DLD: variants seen among roughly 807,000 people sequenced by gnomAD.
DLD encodes the protein dihydrolipoamide dehydrogenase, also known as dihydrolipoyl dehydrogenase, mitochondrial.
Under a neutral mutation model 62.2 loss-of-function variants are expected in DLD, and 36 were observed. The ratio of observed to expected loss-of-function variants is 0.58; its 90% confidence interval spans 0.44 to 0.76. DLD has a LOEUF of 0.76. Among genes scored for constraint, DLD ranks in the 30% least tolerant of loss-of-function variants. The pLI is 0.00. For synonymous variants in DLD, 204 were observed against 199.6 expected, an observed-to-expected ratio of 1.02 and a Z score of -0.19; for missense variants, 541 against 608.6, an observed-to-expected ratio of 0.89 and a Z score of 1.17.
chr7:107,898,471 G>A (rs1420331688), intron 2 of DLD, among the ~76,000 whole-genome samples: 2 of 150,688 alleles, frequency 1.3e-5, no homozygotes, highest in Non-Finnish European at 3.0e-5. Flanking sequence ...AGTAGAGACA[G>A]GGTTTCACCA....
chr7:107,892,419 A>G (rs1006498625), intron 1 of DLD, among the ~76,000 whole-genome samples: 1 of 152,240 alleles, frequency 6.6e-6, no homozygotes, highest in Admixed American at 6.5e-5. Flanking sequence ...AGATTGTTCT[A>G]AGTAAATACG....
intron 2 of DLD, chr7:107,893,500 G>A: frequency 4.7e-6 from 2 of 421,294 alleles, no homozygotes; most frequent in Non-Finnish European, 8.5e-6. Flanking sequence ...GGTGATAAAA[G>A]ACAAACAATA....
intron 2 of DLD, among the ~76,000 whole-genome samples, chr7:107,898,673 C>T (rs957325068): frequency 6.7e-6 from 1 of 149,286 alleles, no homozygotes; most frequent in South Asian, 2.1e-4. Flanking sequence ...TCACTGCAAG[C>T]TCTGCCTCCT....
chr7:107,918,852 C>A (rs376041817), intron 12 of DLD, among the ~76,000 whole-genome samples, 158 bp from the exon 13 acceptor site: 54 of 152,182 alleles, frequency 3.5e-4, no homozygotes, highest in African/African-American at 1.1e-3. Context: ...TCTTCTGTGT[C>A]ACCTTTTCTA....
intron 6 of DLD, 59 bp from the exon 7 acceptor site, chr7:107,905,302 A>T: frequency 6.6e-7 from 1 of 1,522,550 alleles, no homozygotes; most frequent in Non-Finnish European, 9.1e-7. Flanking sequence ...TTTCCTTTGA[A>T]TGATTTATCA....
intron 2 of DLD, among the ~76,000 whole-genome samples, chr7:107,896,807 T>C (rs1214119098): frequency 1.3e-5 from 2 of 152,116 alleles, no homozygotes; most frequent in East Asian, 3.8e-4. Context: ...TCCTGTTCGT[T>C]TTTTCTTTTT....
chr7:107,908,153 C>CT (rs71134291), intron 8 of DLD, among the ~76,000 whole-genome samples: 42,701 of 137,248 alleles, frequency 0.31, 7,864 homozygotes, highest in Non-Finnish European at 0.41. Flanking sequence ...TTTTGTTTTT[C>CT]TTTTTTTTTT....
At chr7:107,902,478 A>C in intron 4 of DLD, 85 bp downstream of exon 4, 1 of 1,158,240 alleles carries the variant, frequency 8.6e-7, no homozygotes, top group East Asian at 2.4e-5. Context: ...TTAGACAAAT[A>C]CACTTGTTAA....
In DLD at chr7:107,893,180, G is replaced by A. The variant is rs2031631950; in HGVS notation, c.40-20G>A. On this transcript the variant is annotated intron_variant, in intron 1 of 13. Transcript: ENST00000205402. ...TTTTGAATTCATATCTTACATAATA[G>A]GGACATTTTCTTTTTCTAGAGAGGC... The A allele has an allele frequency of 2.5e-6, 4 of 1,602,812 alleles. No homozygotes were observed. Among genetic ancestry groups the A allele is most frequent in the African/African-American group, 2.7e-5 (2 of 74,788 alleles).
intron 8 of DLD, among the ~76,000 whole-genome samples, chr7:107,907,566 C>G (rs1314163514): frequency 2.0e-5 from 3 of 152,178 alleles, no homozygotes; most frequent in African/African-American, 7.2e-5. Context: ...GATTACCTCT[C>G]CTATTACTGT....
intron 13 of DLD, 24 bp from the exon 14 acceptor site, chr7:107,919,170 A>C (rs909618565): frequency 6.2e-7 from 1 of 1,612,866 alleles, no homozygotes; most frequent in Admixed American, 1.7e-5. Flanking sequence ...TTTGGATTTT[A>C]ATTTTAAATT....
In DLD at chr7:107,891,297, C is replaced by G. The variant is rs746892284; in HGVS notation, c.39+8C>G. 1 of 1,614,050 alleles carries G rather than the reference C, an allele frequency of 6.2e-7. No individual in the cohort carries two copies. Among genetic ancestry groups the G allele is most frequent in the Non-Finnish European group, 8.5e-7 (1 of 1,179,912 alleles). On this transcript the variant is annotated splice_region_variant and intron_variant, in intron 1 of 13. Transcript: ENST00000205402. ...TACTGCTCCTTGGCCAAGGTGAGGG[C>G]CGAGTAGGTGAGGTCGTGTTGAGCC...
chr7:107,904,772 G>C, intron 5 of DLD, 186 bp from the exon 6 acceptor site: 1 of 662,590 alleles, frequency 1.5e-6, no homozygotes, highest in East Asian at 2.9e-5. Flanking sequence ...TGTTTGATAG[G>C]TTCTGTTTCT....
At chr7:107,917,542 C>A in intron 11 of DLD, 80 bp downstream of exon 11, 1 of 1,313,760 alleles carries the variant, frequency 7.6e-7, no homozygotes, top group Non-Finnish European at 1.1e-6. Flanking sequence ...AGCATTTTAT[C>A]ATTATGCTAA....
intron 8 of DLD, among the ~76,000 whole-genome samples, chr7:107,911,005 G>T (rs546463707): frequency 6.6e-6 from 1 of 152,116 alleles, no homozygotes; most frequent in Non-Finnish European, 1.5e-5. Flanking sequence ...TTGAGATATA[G>T]TTCACATATC....
chr7:107,920,712 C>G lies in DLD; in HGVS notation c.*1453C>G, dbSNP rs1208396007. ...TTGTGGTTGCCCCATATTCTGCCTT[C>G]TGATCCTTAACCAATAAAACTTGGC... On this transcript the variant is annotated 3_prime_UTR_variant, in exon 14 of 14. Transcript: ENST00000205402. 6.6e-6 allele frequency: 1 copy of G among 152,246 alleles called. No homozygotes were observed. The highest frequency in any genetic ancestry group is 1.5e-5 in the Non-Finnish European group (1 of 68,062). The allele number at this position is 152,246 out of a possible 1,614,324, so 9.4% of individuals were successfully genotyped here.
chr7:107,908,153 C>T lies in DLD; in HGVS notation c.684+1785C>T, dbSNP rs200610868. ...TTTAATTGTTAGTATTTTTGTTTTT[C>T]TTTTTTTTTTTTTTTGAGTCCGAGT... is the stretch of plus-strand genomic sequence containing the variant. On this transcript the variant is annotated intron_variant, in intron 8 of 13. Coordinates refer to ENST00000205402, the MANE Select transcript of DLD (RefSeq NM_000108.5). 4.9e-3 allele frequency among the ~76,000 whole-genome samples: 670 copies of T among 137,298 alleles called. 7 individuals carry two copies. The highest frequency in any genetic ancestry group is 0.017 in the African/African-American group (634 of 37,796). The allele number at this position is 137,298 out of a possible 152,430, so 90.1% of individuals were successfully genotyped here.
At chr7:107,900,478 C>G (rs1410946677) in intron 2 of DLD, among the ~76,000 whole-genome samples, 3 of 151,798 alleles carry the variant, frequency 2.0e-5, no homozygotes, top group Non-Finnish European at 2.9e-5. Flanking sequence ...TGTGGTCTTT[C>G]TTTTGCCAGG....
intron 8 of DLD, among the ~76,000 whole-genome samples, chr7:107,913,802 A>G (rs1290524495): frequency 5.9e-5 from 9 of 152,042 alleles, no homozygotes; most frequent in Non-Finnish European, 1.3e-4. Context: ...GCATTCTTGT[A>G]TTGTTCCAGA....
Sources: gnomAD v4.1 joint callset for allele counts (sites outside exome capture counted in the v4.1 genomes callset) on GRCh38, gnomAD v4.1.1 for gene constraint, MANE v1.5 for transcripts, NCBI Gene and HGNC (gene_info 2026-07-23, HGNC 2026-07-21) for gene names.